Variants in SON observed in about 807,000 individuals in gnomAD.
The protein encoded by SON is protein SON.
Under a neutral mutation model 173.3 loss-of-function variants are expected in SON, and 4 were observed. That is an observed-to-expected ratio of 0.02 (90% CI 0.01 to 0.05). SON has a LOEUF of 0.05. SON is among the 10% of genes least tolerant of loss of function. SON has a pLI of 1.00. For missense variants in SON, 2,626 were observed against 3,055.3 expected (o/e 0.86, Z 3.31); for synonymous variants, 1,190 against 1,105.9 (o/e 1.08, Z -1.51).
rs1201678852 is a variant in SON at position 33,552,930 on chromosome 21, A to G, written c.3699A>G (p.Ser1233=). ...PSAVPTDYSV[S]ASDPSVLVSE... ...CAGTGCCTACTGATTATTCAGTGTC[A>G]GCATCAGATCCCTCAGTTTTAGTAT... The change falls in exon 3 of 12, where the codon TCA becomes TCG. Residue 1233 remains serine (S), a synonymous_variant. Coordinates refer to ENST00000356577, the MANE Select transcript of SON (RefSeq NM_138927.4). The surrounding 1 kb of genome is among the most constrained non-coding windows in gnomAD (Gnocchi z 5.6). 9 of 1,614,082 alleles carry G rather than the reference A, an allele frequency of 5.6e-6. No homozygotes were observed. The highest frequency in any genetic ancestry group is 4.4e-5 in the South Asian group (4 of 91,082).
At chr21:33,560,195 G>T (rs528248771) in intron 6 of SON, 3 of 1,556,602 alleles carry the variant, frequency 1.9e-6, no homozygotes, top group Admixed American at 1.9e-5. Flanking sequence ...ACAAGAACTG[G>T]ATTGGAAAAG....
At chr21:33,556,623 A>G (rs1274414437) in intron 3 of SON, among the ~76,000 whole-genome samples, 1 of 151,646 alleles carries the variant, frequency 6.6e-6, no homozygotes, top group Non-Finnish European at 1.5e-5. Flanking sequence ...CTGAGACAGG[A>G]GAATCACTTG....
chr21:33,560,267 T>G, intron 6 of SON: 1 of 1,458,460 alleles, frequency 6.9e-7, no homozygotes, highest in Non-Finnish European at 9.0e-7. Context: ...TGATGGTTTC[T>G]TACTGTTTCT....
Position 33,554,461 on chromosome 21 carries a change from C to T in SON, c.5230C>T (p.Arg1744Cys), listed in dbSNP as rs1231250065. The change falls in exon 3 of 12, where the codon CGT becomes TGT. Residue 1744 changes from arginine to cysteine, a missense_variant. Coordinates refer to ENST00000356577, the MANE Select transcript of SON (RefSeq NM_138927.4). ...ACCGTTACTTCCTAAGGACATGGAA[C>T]GTCTTACAAGCCTTAGAGCTGGCAT... ...VRPLLPKDMERLTSLRAGIEG... is the reference protein window; with the variant it reads ...VRPLLPKDMECLTSLRAGIEG... 18 of 1,614,010 alleles carry T rather than the reference C, an allele frequency of 1.1e-5. No homozygotes were observed. The highest frequency in any genetic ancestry group is 3.3e-5 in the South Asian group (3 of 91,078).
At chr21:33,558,537 T>A (rs1451607017) in intron 4 of SON, 1 of 152,244 alleles carries the variant, frequency 6.6e-6, no homozygotes, top group African/African-American at 2.4e-5. Flanking sequence ...TTTAAAAAAT[T>A]AAGGACCTTG....
At chr21:33,544,631 C>T (rs977756655) in intron 1 of SON, among the ~76,000 whole-genome samples, 3 of 152,066 alleles carry the variant, frequency 2.0e-5, no homozygotes, top group African/African-American at 7.2e-5. Flanking sequence ...AGGTTTATCC[C>T]TCTCAGTCTC....
intron 6 of SON, chr21:33,560,061 G>A: frequency 6.2e-7 from 1 of 1,614,180 alleles, no homozygotes; most frequent in Non-Finnish European, 8.5e-7. Context: ...TTGTGGGAAG[G>A]TAGTCCAAGG....
At position 33,559,481 on chromosome 21, in the gene SON, G is replaced by A. The variant is rs993550882; in HGVS notation, c.6468+105G>A. The A allele has an allele frequency of 1.1e-5, 16 of 1,462,532 alleles. No individual in the cohort carries two copies. The African/African-American group carries it at 2.3e-4, about 21-fold the overall frequency. 90.6% of individuals were successfully genotyped at this position (1,462,532 alleles called of 1,614,324 possible). On this transcript the variant is annotated intron_variant, in intron 5 of 11. Coordinates refer to ENST00000356577, the MANE Select transcript of SON (RefSeq NM_138927.4). This position sits in a 1 kb window ranked among gnomAD's most constrained non-coding sequence, Gnocchi z 4.1. ...TATTAATTTTTGTTTTAAATACTGT[G>A]AGAAATAATGGATAATATCATTTCC... is the stretch of plus-strand genomic sequence containing the variant.
chr21:33,575,690 C>T (rs373587220), intron 10 of SON, 23 bp downstream of exon 10: 1 of 1,598,434 alleles, frequency 6.3e-7, no homozygotes, highest in African/African-American at 1.3e-5. Context: ...TTTTGAATTT[C>T]CTCTTACCCT....
At position 33,548,596 on chromosome 21, in the gene SON, G is replaced by C. The variant is rs532957034; in HGVS notation, c.245-880G>C. Among the ~76,000 whole-genome samples, 8 of 152,266 alleles carry C rather than the reference G, an allele frequency of 5.3e-5. No homozygotes were observed. The East Asian group carries it at 1.5e-3, about 29-fold the overall frequency. On this transcript the variant is annotated intron_variant, in intron 2 of 11. Coordinates refer to ENST00000356577, the MANE Select transcript of SON (RefSeq NM_138927.4). ...TGCCAGGCATTATTTGATGTACTTT[G>C]CATGTTTTAACTCACTTTATCCTCT...
At position 33,554,275 on chromosome 21, in the gene SON, C is replaced by G. The variant is rs1427005674; in HGVS notation, c.5044C>G (p.Pro1682Ala). The change falls in exon 3 of 12, where the codon CCA becomes GCA. Residue 1682 changes from proline to alanine, a missense_variant. Transcript: ENST00000356577. ...CCTTGTTAGTAAGGATACAGAAGAA[C>G]CATTACCTGTAAAAGAGAGTGACCA... ...NNLVSKDTEEPLPVKESDQTL... is the reference protein window; with the variant it reads ...NNLVSKDTEEALPVKESDQTL... 1 of 1,614,066 alleles carries G rather than the reference C, an allele frequency of 6.2e-7. No individual in the cohort carries two copies. Among genetic ancestry groups the G allele is most frequent in the Admixed American group, 1.7e-5 (1 of 60,020 alleles).
chr21:33,573,706 A>G (rs1284239909), intron 9 of SON, among the ~76,000 whole-genome samples: 1 of 152,226 alleles, frequency 6.6e-6, no homozygotes, highest in Non-Finnish European at 1.5e-5. Flanking sequence ...AAATGTGTAT[A>G]TATCTAATTT....
Position 33,552,770 on chromosome 21 carries a change from C to T in SON, c.3539C>T (p.Pro1180Leu), listed in dbSNP as rs528231799. The change falls in exon 3 of 12, where the codon CCA (proline) becomes CTA (leucine). Residue 1180 changes from proline to leucine, a missense_variant. Pro to Leu is a moderately conservative substitution (Grantham distance 98). Coordinates refer to ENST00000356577, the MANE Select transcript of SON (RefSeq NM_138927.4). This position sits in a 1 kb window ranked among gnomAD's most constrained non-coding sequence, Gnocchi z 5.6. ...PLPPEEPPEG[P>L]ALPTEQSALT... ...CCTCCTGAGGAACCACCAGAGGGTC[C>T]AGCATTGCCCACTGAGCAGTCAGCA... 27 of 1,613,880 alleles carry T rather than the reference C, an allele frequency of 1.7e-5. No individual in the cohort carries two copies. The South Asian group carries it at 1.9e-4, about 11-fold the overall frequency.
At position 33,551,345 on chromosome 21, in the gene SON, T is replaced by C. The variant is rs754820362; in HGVS notation, c.2114T>C (p.Val705Ala). The change falls in exon 3 of 12, where the codon GTG (valine) becomes GCG (alanine). Residue 705 changes from valine (V) to alanine (A), a missense_variant. Val to Ala is a moderately conservative substitution (Grantham distance 64). Coordinates refer to ENST00000356577, the MANE Select transcript of SON (RefSeq NM_138927.4). ...LVGETSVTVGVDPLMAPESHI... is the reference protein window; with the variant it reads ...LVGETSVTVGADPLMAPESHI... ...GGGGAGACTTCTGTAACAGTAGGAG[T>C]GGATCCCTTGATGGCCCCAGAATCC... is the stretch of plus-strand genomic sequence containing the variant. 1 of 1,614,054 alleles carries C rather than the reference T, an allele frequency of 6.2e-7. No individual in the cohort carries two copies. The highest frequency in any genetic ancestry group is 8.5e-7 in the Non-Finnish European group (1 of 1,179,978).
rs765574927 is a variant in SON at position 33,550,829 on chromosome 21, C to T, written c.1598C>T (p.Ala533Val). The T allele has an allele frequency of 1.2e-6, 2 of 1,613,896 alleles. No individual in the cohort carries two copies. The highest frequency in any genetic ancestry group is 1.1e-5 in the South Asian group (1 of 91,078). ...EHPGHPEVTT[A>V]TGLLGQPEAT... Reference sequence around the variant, plus strand: ...CCTGGGCATCCTGAGGTGACAACGGCAACAGGGTTGCTGGGGCAGCCTGAG... The same window carrying T: ...CCTGGGCATCCTGAGGTGACAACGGTAACAGGGTTGCTGGGGCAGCCTGAG... The change falls in exon 3 of 12, where the codon GCA (alanine) becomes GTA (valine). Residue 533 changes from alanine (A) to valine (V), a missense_variant. Transcript: ENST00000356577.
At chr21:33,547,768 G>T (rs2145808116) in intron 2 of SON, among the ~76,000 whole-genome samples, 1 of 134,370 alleles carries the variant, frequency 7.4e-6, no homozygotes, top group African/African-American at 2.8e-5. Context: ...AGGCTGGAGT[G>T]CAGTGGGGTG....
intron 8 of SON, chr21:33,572,730 G>T: frequency 1.2e-5 from 6 of 500,610 alleles, no homozygotes; most frequent in Admixed American, 6.2e-5. Flanking sequence ...GATATTTTAT[G>T]TGATTGTTTT....
At chr21:33,575,336 A>G in intron 9 of SON, 1 of 300,596 alleles carries the variant, frequency 3.3e-6, no homozygotes, top group Non-Finnish European at 6.2e-6. Context: ...GTGCCTGGCC[A>G]TACTTAACTT....
rs370001684 is a variant in SON, at chr21:33,550,801, C to T, written c.1570C>T (p.His524Tyr). The change falls in exon 3 of 12, where the codon CAT (histidine) becomes TAT (tyrosine). Residue 524 changes from histidine to tyrosine, a missense_variant. His to Tyr is a moderately conservative substitution (Grantham distance 83). This residue lies in a region of SON where 757 missense variants were observed against 730.1 expected (regional missense o/e 1.04). Transcript: ENST00000356577. The part of the protein sequence containing the change: ...EQPVGMTTVE[H>Y]PGHPEVTTAT... ...GCCTGTGGGGATGACAACGGTGGAA[C>T]ATCCTGGGCATCCTGAGGTGACAAC... 4 of 1,614,004 alleles carry T rather than the reference C, an allele frequency of 2.5e-6. No individual in the cohort carries two copies. The highest frequency in any genetic ancestry group is 2.2e-5 in the East Asian group (1 of 44,892).
Sources: gnomAD v4.1 joint callset for allele counts (sites outside exome capture counted in the v4.1 genomes callset) on GRCh38, gnomAD v4.1.1 for gene constraint, gnomAD v4.1.1 regional missense constraint, Gnocchi (gnomAD v3.1) non-coding constraint, MANE v1.5 for transcripts, NCBI Gene and HGNC (gene_info 2026-07-23, HGNC 2026-07-21) for gene names.